SUPT20H: variants seen among roughly 807,000 people sequenced by gnomAD.
The protein encoded by SUPT20H is transcription factor SPT20 homolog.
SUPT20H carries 82 observed loss-of-function variants against 122.8 expected under a neutral mutation model. That is an observed-to-expected ratio of 0.67 (90% CI 0.56 to 0.80). The LOEUF (loss-of-function observed/expected upper bound fraction) is 0.80. Ranked by LOEUF, SUPT20H falls within the 30% of genes least tolerant of loss-of-function variation. The pLI is 0.00. For synonymous variants in SUPT20H, 291 were observed against 313.0 expected (o/e 0.93, Z 0.74); for missense variants, 831 against 921.6 (o/e 0.90, Z 1.27).
chr13:37,033,411 T>C, intron 10 of SUPT20H, 38 bp downstream of exon 10: 2 of 1,598,828 alleles, frequency 1.3e-6, no homozygotes, highest in Non-Finnish European at 1.7e-6. Flanking sequence ...TTATAGCTAC[T>C]TGTGTCTTTT....
Position 37,044,409 on chromosome 13 carries a change from G to A in SUPT20H, c.293-228C>T, listed in dbSNP as rs140594671. The stretch of plus-strand genomic sequence containing the variant: ...ATTATGAAAAAACATCTGGCATAAC[G>A]TCACAATCTGAACCACAGCCCAAAG... On this transcript the variant is annotated intron_variant, in intron 6 of 25. Transcript: ENST00000350612. Among the ~76,000 whole-genome samples, 236 of 151,688 alleles carry A rather than the reference G, an allele frequency of 1.6e-3. 1 individual carries two copies. Among genetic ancestry groups the A allele is most frequent in the African/African-American group, 5.4e-3 (225 of 41,416 alleles).
intron 19 of SUPT20H, chr13:37,023,766 T>G (rs1217087725): frequency 3.5e-6 from 1 of 282,472 alleles, no homozygotes; most frequent in Admixed American, 5.2e-5. Context: ...ACTACCAGGT[T>G]ATTTTTTTAA....
At chr13:37,045,418 C>A (rs758212564) in intron 5 of SUPT20H, 45 bp from the exon 6 acceptor site, 2 of 1,599,232 alleles carry the variant, frequency 1.3e-6, no homozygotes, top group Non-Finnish European at 1.7e-6. Context: ...TCCAGTATAA[C>A]CTTAACAAAT....
chr13:37,051,419 T>C, intron 2 of SUPT20H, 69 bp downstream of exon 2: 3 of 1,491,446 alleles, frequency 2.0e-6, no homozygotes, highest in Non-Finnish European at 1.9e-6. Flanking sequence ...ACCATACAAA[T>C]ATCTTTATGA....
At chr13:37,026,681 T>G (rs2062341246) in intron 15 of SUPT20H, 109 bp downstream of exon 15, 1 of 653,188 alleles carries the variant, frequency 1.5e-6, no homozygotes, top group Non-Finnish European at 2.5e-6. Context: ...TCAAACAAAG[T>G]ATACATATTT....
At chr13:37,018,694 T>C (rs1211053457) in intron 22 of SUPT20H, among the ~76,000 whole-genome samples, 1 of 152,200 alleles carries the variant, frequency 6.6e-6, no homozygotes, top group African/African-American at 2.4e-5. Context: ...TCTTACTCTG[T>C]TGCCTAGGCT....
Position 37,022,397 on chromosome 13 carries a change from T to C in SUPT20H, c.1592-317A>G. 1.5e-6 allele frequency: 2 copies of C among 1,313,096 alleles called. No individual in the cohort carries two copies. Among genetic ancestry groups the C allele is most frequent in the Non-Finnish European group, 1.9e-6 (2 of 1,032,376 alleles). The allele number at this position is 1,313,096 out of a possible 1,614,324, so 81.3% of individuals were successfully genotyped here. The stretch of plus-strand genomic sequence containing the variant: ...TAAAATAAGGTTAATGGAATCTTAC[T>C]TAGCACTGACAATTTGTTCTAGTTT... On this transcript the variant is annotated intron_variant, in intron 19 of 25. Coordinates refer to ENST00000350612, the MANE Select transcript of SUPT20H (RefSeq NM_001014286.3). This position sits in a 1 kb window ranked among gnomAD's most constrained non-coding sequence, Gnocchi z 4.5.
chr13:37,056,506 A>G (rs911590361), intron 1 of SUPT20H, among the ~76,000 whole-genome samples: 1 of 152,166 alleles, frequency 6.6e-6, no homozygotes, highest in Non-Finnish European at 1.5e-5. Context: ...TCAGCAAACT[A>G]TCGCAAGGAC....
At chr13:37,049,288 T>C (rs565514426) in intron 2 of SUPT20H, among the ~76,000 whole-genome samples, 111 of 152,330 alleles carry the variant, frequency 7.3e-4, no homozygotes, top group African/African-American at 2.3e-3. Flanking sequence ...ATGAAATATA[T>C]TACTGTTACT....
At chr13:37,026,916 G>A (rs1262953714) in intron 14 of SUPT20H, 100 bp from the exon 15 acceptor site, 1 of 729,522 alleles carries the variant, frequency 1.4e-6, no homozygotes, top group Non-Finnish European at 2.0e-6. Context: ...AAGAATGACT[G>A]GAAGATAATA....
At chr13:37,026,099 C>T in intron 16 of SUPT20H, 105 bp downstream of exon 16, 1 of 876,988 alleles carries the variant, frequency 1.1e-6, no homozygotes, top group East Asian at 2.8e-5. Context: ...TGGTTAACAG[C>T]ATAACCAAAA....
Position 37,040,466 on chromosome 13 carries a change from A to G in SUPT20H, c.514-8T>C, listed in dbSNP as rs377745814. The G allele has an allele frequency of 4.4e-6, 7 of 1,576,944 alleles. No individual in the cohort carries two copies. ...TACATCACAAATTAAAGTCTAGAAG[A>G]AATAAAAATTTAAAAAACTTATTAA... On this transcript the variant is annotated splice_region_variant and splice_polypyrimidine_tract_variant and intron_variant, in intron 8 of 25. Coordinates refer to ENST00000350612, the MANE Select transcript of SUPT20H (RefSeq NM_001014286.3).
intron 2 of SUPT20H, among the ~76,000 whole-genome samples, chr13:37,049,013 C>G (rs2139084346): frequency 6.6e-6 from 1 of 152,178 alleles, no homozygotes; most frequent in East Asian, 1.9e-4. Context: ...TGCGGTTGTA[C>G]TGGCACTTAA....
chr13:37,024,109 C>T lies in SUPT20H; in HGVS notation c.1517G>A (p.Arg506Gln), dbSNP rs201581097. 1.3e-5 allele frequency: 21 copies of T among 1,613,494 alleles called. No individual in the cohort carries two copies. The highest frequency in any genetic ancestry group is 5.3e-5 in the African/African-American group (4 of 74,962). ...PPSSKPSSIPRKSSVDLNQVS... is the reference protein window; with the variant it reads ...PPSSKPSSIPQKSSVDLNQVS... ...TTGATTGAGATCCACAGATGATTTC[C>T]GAGGAATACTTGATGGCTTAGAAGA... Residue 506 changes from arginine (R) to glutamine (Q), a missense_variant, in exon 19 of 26, where the codon CGG becomes CAG. Arg to Gln is a conservative substitution (Grantham distance 43). Coordinates refer to ENST00000350612, the MANE Select transcript of SUPT20H (RefSeq NM_001014286.3).
chr13:37,009,833 C>T (rs368307804), intron 25 of SUPT20H, 24 bp from the exon 26 acceptor site: 247 of 1,601,648 alleles, frequency 1.5e-4, no homozygotes, highest in Non-Finnish European at 1.9e-4. Flanking sequence ...GGAAAAAAAT[C>T]GAGTTATGTT....
At chr13:37,051,163 T>G (rs952069352) in intron 2 of SUPT20H, among the ~76,000 whole-genome samples, 5 of 152,212 alleles carry the variant, frequency 3.3e-5, no homozygotes, top group Non-Finnish European at 7.4e-5. Flanking sequence ...ACGAGAAATC[T>G]ATACTCCCCA....
At chr13:37,058,955 A>G (rs951128167) in intron 1 of SUPT20H, among the ~76,000 whole-genome samples, 1 of 152,174 alleles carries the variant, frequency 6.6e-6, no homozygotes, top group African/African-American at 2.4e-5. Context: ...GAGTCCTACT[A>G]GAGACTTTGA....
At chr13:37,016,007 G>A (rs1024406035) in intron 23 of SUPT20H, among the ~76,000 whole-genome samples, 1 of 152,208 alleles carries the variant, frequency 6.6e-6, no homozygotes, top group Admixed American at 6.5e-5. Context: ...AATAGTGGCC[G>A]AGGGGAGGAG....
At position 37,012,231 on chromosome 13, in the gene SUPT20H, G is replaced by A. The variant is rs1198572619; in HGVS notation, c.2059C>T (p.Leu687Phe). ...TGCATAAAACTTCCTACTCCAGTAA[G>A]GTTAATAACAGCAGCTTGCTGAGCA... ...LSAQQAAVIN[L>F]TGVGSFMQSQ... The change falls in exon 24 of 26, where the codon CTT becomes TTT. Residue 687 changes from leucine (L) to phenylalanine (F), a missense_variant. Coordinates refer to ENST00000350612, the MANE Select transcript of SUPT20H (RefSeq NM_001014286.3). The A allele has an allele frequency of 6.2e-7, 1 of 1,613,346 alleles. No individual in the cohort carries two copies. Among genetic ancestry groups the A allele is most frequent in the East Asian group, 2.2e-5 (1 of 44,812 alleles).
Sources: gnomAD v4.1 joint callset for allele counts (sites outside exome capture counted in the v4.1 genomes callset) on GRCh38, gnomAD v4.1.1 for gene constraint, Gnocchi (gnomAD v3.1) non-coding constraint, MANE v1.5 for transcripts, NCBI Gene and HGNC (gene_info 2026-07-23, HGNC 2026-07-21) for gene names.